HEATR1: variants seen among roughly 807,000 people sequenced by gnomAD.
The protein encoded by HEATR1 is HEAT repeat-containing protein 1.
A neutral mutation model predicts 248.2 loss-of-function variants in HEATR1; 77 were observed. The observed-to-expected ratio is 0.31, with a 90% CI of 0.26 to 0.37. The LOEUF (loss-of-function observed/expected upper bound fraction) is 0.37, where lower values mean the gene tolerates loss of function less well. Ranked by LOEUF, HEATR1 falls within the 10% of genes least tolerant of loss-of-function variation. HEATR1 has a pLI of 1.00. For missense variants in HEATR1, 2,420 were observed against 2,504.9 expected, an observed-to-expected ratio of 0.97 and a Z score of 0.72; for synonymous variants, 897 against 923.1, an observed-to-expected ratio of 0.97 and a Z score of 0.51.
intron 5 of HEATR1, among the ~76,000 whole-genome samples, chr1:236,597,199 C>A (rs1450270237): frequency 3.3e-5 from 5 of 150,796 alleles, no homozygotes; most frequent in Admixed American, 2.6e-4. Flanking sequence ...AATGAATACA[C>A]AATGTGACAA....
intron 28 of HEATR1, among the ~76,000 whole-genome samples, chr1:236,570,512 G>A (rs1363532878): frequency 6.6e-6 from 1 of 152,086 alleles, no homozygotes; most frequent in Non-Finnish European, 1.5e-5. Context: ...GAGGAAGAGT[G>A]ACAGTTAATG....
Position 236,558,389 on chromosome 1 carries a change from T to G in HEATR1, c.5052A>C (p.Glu1684Asp). ...LKLLCKNFGA[E>D]NPDPFVPVLN... is the part of the protein sequence containing the mutation. ...GCACTGGGACAAAAGGATCTGGATT[T>G]TCTGCACCAAAATTCTTGCATAAAA... Residue 1684 changes from glutamate to aspartate, a missense_variant, in exon 36 of 45, where the codon GAA becomes GAC. Glu to Asp is a conservative substitution (Grantham distance 45). Coordinates refer to ENST00000366582, the MANE Select transcript of HEATR1 (RefSeq NM_018072.6). The G allele has an allele frequency of 3.7e-6, 6 of 1,614,216 alleles. No homozygotes were observed. Among genetic ancestry groups the G allele is most frequent in the Non-Finnish European group, 5.1e-6 (6 of 1,180,026 alleles).
intron 3 of HEATR1, among the ~76,000 whole-genome samples, chr1:236,600,293 A>AT (rs199822511): frequency 0.031 from 4,415 of 143,682 alleles, 226 homozygotes; most frequent in East Asian, 0.24. Flanking sequence ...TGCCCAGCTA[A>AT]TTTTTTTTTT....
rs1663715680 is a variant in HEATR1 at position 236,580,910 on chromosome 1, C to G, written c.2755+312G>C. 1.4e-5 allele frequency among the ~76,000 whole-genome samples: 2 copies of G among 146,198 alleles called. 1 individual carries two copies. The highest frequency in any genetic ancestry group is 4.3e-4 in the South Asian group (2 of 4,702). On this transcript the variant is annotated intron_variant, in intron 20 of 44. Transcript: ENST00000366582. ...TCTCGGCTCACTGCAACCTCCAACT[C>G]CCTGGTTCAAGCAATTCTCCAGCCT...
intron 33 of HEATR1, among the ~76,000 whole-genome samples, chr1:236,560,215 C>T (rs1402716134): frequency 6.6e-6 from 1 of 151,536 alleles, no homozygotes; most frequent in Non-Finnish European, 1.5e-5. Context: ...TGTGCGCGCA[C>T]ACACACACAG....
chr1:236,572,354 A>G, intron 26 of HEATR1, 57 bp downstream of exon 26: 1 of 1,542,058 alleles, frequency 6.5e-7, no homozygotes, highest in Non-Finnish European at 8.9e-7. Context: ...AATGTTAGAT[A>G]AGATGGGCAA....
At chr1:236,599,724 C>T (rs1454350522) in intron 3 of HEATR1, 100 bp from the exon 4 acceptor site, 3 of 1,119,998 alleles carry the variant, frequency 2.7e-6, no homozygotes, top group African/African-American at 1.6e-5. Flanking sequence ...GCTAAAACAA[C>T]CTAGAACGAG....
At chr1:236,592,331 T>C (rs1430762273) in intron 10 of HEATR1, among the ~76,000 whole-genome samples, 192 bp downstream of exon 10, 2 of 152,260 alleles carry the variant, frequency 1.3e-5, no homozygotes, top group East Asian at 1.9e-4. Context: ...ATACTCTCCA[T>C]AGCCCCCACA....
Position 236,559,101 on chromosome 1 carries a change from G to A in HEATR1, c.4805C>T (p.Pro1602Leu), listed in dbSNP as rs769856164. 3.1e-6 allele frequency: 5 copies of A among 1,609,548 alleles called. No homozygotes were observed. The highest frequency in any genetic ancestry group is 2.2e-5 in the South Asian group (2 of 90,312). Reference protein sequence around the residue: ...NALLPTETFIPVIRGLVGNPL... With the variant: ...NALLPTETFILVIRGLVGNPL... ...ATTGCCCACCAGCCCTCTGATCACAGGAATGAATGTCTCTGTGGGCAGCAA... is the reference window on the plus strand; with the variant it reads ...ATTGCCCACCAGCCCTCTGATCACAAGAATGAATGTCTCTGTGGGCAGCAA... Residue 1602 changes from proline (P) to leucine (L), a missense_variant, in exon 35 of 45, where the codon CCT (proline) becomes CTT (leucine). Pro to Leu is a moderately conservative substitution (Grantham distance 98, BLOSUM62 -3). Coordinates refer to ENST00000366582, the MANE Select transcript of HEATR1 (RefSeq NM_018072.6).
chr1:236,580,567 AGTGCAGTG>A (rs1663695305), intron 20 of HEATR1, among the ~76,000 whole-genome samples: 1 of 131,868 alleles, frequency 7.6e-6, no homozygotes, highest in Non-Finnish European at 1.6e-5. Context: ...CCCAGTTTGG[AGTGCAGTG>A]GTGCAATCAC....
At chr1:236,563,303 GAA>G (rs1452883178) in intron 32 of HEATR1, among the ~76,000 whole-genome samples, 2 of 151,882 alleles carry the variant, frequency 1.3e-5, no homozygotes, top group East Asian at 1.9e-4. Context: ...TTTTCAGACA[GAA>G]TCTCGCTCTG....
intron 31 of HEATR1, among the ~76,000 whole-genome samples, chr1:236,565,020 TTAAAAACCACTAG>T (rs1290696834): frequency 8.5e-5 from 13 of 152,308 alleles, no homozygotes; most frequent in African/African-American, 2.2e-4. Context: ...CAGTGCAGTG[TTAAAAACCACTAG>T]CCTATAGAAT....
chr1:236,569,275 A>C, intron 28 of HEATR1, 151 bp from the exon 29 acceptor site: 7 of 550,876 alleles, frequency 1.3e-5, no homozygotes, highest in Non-Finnish European at 1.8e-5. Flanking sequence ...TCCTAAGCTC[A>C]AGCAATCCTT....
chr1:236,572,944 G>T (rs1464168381), intron 24 of HEATR1, 116 bp from the exon 25 acceptor site: 1 of 913,868 alleles, frequency 1.1e-6, no homozygotes, highest in Non-Finnish European at 1.7e-6. Flanking sequence ...TGACTTACTG[G>T]ATATGCATCT....
chr1:236,571,076 T>C (rs966008301), intron 28 of HEATR1, among the ~76,000 whole-genome samples: 3 of 152,250 alleles, frequency 2.0e-5, no homozygotes, highest in African/African-American at 4.8e-5. Flanking sequence ...CCAGGTATTA[T>C]GCTAAGTACT....
In HEATR1 at chr1:236,558,656, T is replaced by C. The variant is rs887453480; in HGVS notation, c.4912-127A>G. On this transcript the variant is annotated intron_variant, in intron 35 of 44. Transcript: ENST00000366582. ...TCGGGGGTCCTGAGTCACACAGTCA[T>C]GCTAAGCGATGTGCATGTTCTAGCC... 6 of 894,512 alleles carry C rather than the reference T, an allele frequency of 6.7e-6. No homozygotes were observed. The African/African-American group carries it at 1.0e-4, about 15-fold the overall frequency. The allele number at this position is 894,512 out of a possible 1,614,324, so 55.4% of individuals were successfully genotyped here.
chr1:236,569,171 T>C, intron 28 of HEATR1, 47 bp from the exon 29 acceptor site: 2 of 1,495,086 alleles, frequency 1.3e-6, no homozygotes, highest in Non-Finnish European at 1.8e-6. Flanking sequence ...TGTTAATTTC[T>C]ACTAATTTTT....
intron 25 of HEATR1, 24 bp downstream of exon 25, chr1:236,572,701 G>A: frequency 3.7e-6 from 6 of 1,601,096 alleles, no homozygotes; most frequent in Non-Finnish European, 5.1e-6. Context: ...AACAGCATGT[G>A]CTCAATGCAT....
chr1:236,564,796 C>T, intron 31 of HEATR1, 135 bp from the exon 32 acceptor site: 1 of 803,658 alleles, frequency 1.2e-6, no homozygotes, highest in Non-Finnish European at 1.9e-6. Context: ...TCATCTATTA[C>T]ATCCAGTTTC....
Sources: gnomAD v4.1 joint callset for allele counts (sites outside exome capture counted in the v4.1 genomes callset) on GRCh38, gnomAD v4.1.1 for gene constraint, MANE v1.5 for transcripts, NCBI Gene and HGNC (gene_info 2026-07-23, HGNC 2026-07-21) for gene names.